ELP4: variants seen among roughly 807,000 people sequenced by gnomAD.
ELP4 encodes elongator acetyltransferase complex subunit 4.
ELP4 carries 51 observed loss-of-function variants against 48.9 expected under a neutral mutation model. The ratio of observed to expected loss-of-function variants is 1.04; its 90% CI spans 0.83 to 1.32. ELP4 has a LOEUF of 1.32. Ranked by LOEUF, ELP4 falls within the 40% of genes most tolerant of loss-of-function variation. ELP4 has a pLI of 0.00. For synonymous variants in ELP4, 210 were observed against 189.2 expected, an observed-to-expected ratio of 1.11 and a Z score of -0.90; for missense variants, 519 against 514.6, an observed-to-expected ratio of 1.01 and a Z score of -0.08.
chr11:31,578,132 G>A (rs965934911), intron 3 of ELP4, among the ~76,000 whole-genome samples: 1 of 152,116 alleles, frequency 6.6e-6, no homozygotes, highest in South Asian at 2.1e-4. Context: ...AAAATCACAA[G>A]CATTCCTATA....
intron 1 of ELP4, among the ~76,000 whole-genome samples, chr11:31,514,279 A>G (rs1956066281): frequency 1.3e-5 from 2 of 152,090 alleles, no homozygotes; most frequent in Admixed American, 1.3e-4. Context: ...GGCAACATAG[A>G]GAGACCCTGG....
rs371296259 is a variant in ELP4 at position 31,509,831 on chromosome 11, C to G, written c.47C>G (p.Ser16Cys). 1 of 1,614,152 alleles carries G rather than the reference C, an allele frequency of 6.2e-7. No individual in the cohort carries two copies. The highest frequency in any genetic ancestry group is 8.5e-7 in the Non-Finnish European group (1 of 1,180,046). The change falls in exon 1 of 10, where the codon TCT becomes TGT. Residue 16 changes from serine to cysteine, a missense_variant. Ser to Cys is a moderately radical substitution (Grantham distance 112). Transcript: ENST00000640961. ...GGTAGTGTTGCCGCGAGTACTGGGT[C>G]TGCAGTGGCGACAGCCAGCAAGAGC... ...TCGSVAASTG[S>C]AVATASKSNV...
Position 31,789,651 on chromosome 11 carries a change from TATAAC to T in ELP4, c.*6131_*6135del, listed in dbSNP as rs1949121780. On this transcript the variant is annotated 3_prime_UTR_variant, in exon 10 of 10. Coordinates refer to ENST00000640961, the MANE Select transcript of ELP4 (RefSeq NM_019040.5). Reference sequence around the variant, plus strand: ...CAGTCTACATTGTTCTTTTTTTCATTATAACATACAAATGCCCATTTACAAATAAT... The same window carrying T: ...CAGTCTACATTGTTCTTTTTTTCATTATACAAATGCCCATTTACAAATAAT... 4 of 699,952 alleles carry T rather than the reference TATAAC, an allele frequency of 5.7e-6. No individual in the cohort carries two copies. Among genetic ancestry groups the T allele is most frequent in the Non-Finnish European group, 1.0e-5 (4 of 383,880 alleles). The allele number at this position is 699,952 out of a possible 1,614,324, so 43.4% of individuals were successfully genotyped here. A position where few individuals can be genotyped will look rare whatever the true frequency, so the allele number is the denominator to read the frequency against.
rs990195967 is a variant in ELP4 at position 31,788,927 on chromosome 11, C to G, written c.*5403C>G. On this transcript the variant is annotated 3_prime_UTR_variant, in exon 10 of 10. Transcript: ENST00000640961. ...CCACACTATAAGGTTAAAAAGAAAA[C>G]TGTATAATAAAGGAAATACAAAGGC... 3.0e-5 allele frequency: 6 copies of G among 200,580 alleles called. No individual in the cohort carries two copies. Among genetic ancestry groups the G allele is most frequent in the Non-Finnish European group, 6.2e-5 (6 of 97,170 alleles). 12.4% of individuals were successfully genotyped at this position (200,580 alleles called of 1,614,324 possible). A position where few individuals can be genotyped will look rare whatever the true frequency, so the allele number is the denominator to read the frequency against.
chr11:31,618,502 C>T (rs767111856), intron 5 of ELP4, among the ~76,000 whole-genome samples: 1 of 152,064 alleles, frequency 6.6e-6, no homozygotes, highest in African/African-American at 2.4e-5. Flanking sequence ...TGGCACCAAT[C>T]CTGCCCATGA....
intron 5 of ELP4, among the ~76,000 whole-genome samples, chr11:31,626,706 G>A (rs1251603662): frequency 6.6e-6 from 1 of 151,790 alleles, no homozygotes; most frequent in Non-Finnish European, 1.5e-5. Flanking sequence ...CAGGTGATCA[G>A]GACATGGATT....
At position 31,733,200 on chromosome 11, in the gene ELP4, G is replaced by T. The variant is rs1366203000; in HGVS notation, c.1144-50193G>T. 9.9e-5 allele frequency among the ~76,000 whole-genome samples: 15 copies of T among 152,128 alleles called. 1 individual carries two copies. Among genetic ancestry groups the T allele is most frequent in the Non-Finnish European group, 2.9e-5 (2 of 68,022 alleles). ...AACAAATTTAAGAAGATTAAAATGGGCATGGTGGCCCACACCTGTAATCTC... is the reference window on the plus strand; with the variant it reads ...AACAAATTTAAGAAGATTAAAATGGTCATGGTGGCCCACACCTGTAATCTC... On this transcript the variant is annotated intron_variant, in intron 9 of 9. Coordinates refer to ENST00000640961, the MANE Select transcript of ELP4 (RefSeq NM_019040.5).
At chr11:31,531,079 T>C (rs887376327) in intron 2 of ELP4, among the ~76,000 whole-genome samples, 1 of 152,218 alleles carries the variant, frequency 6.6e-6, no homozygotes, top group Non-Finnish European at 1.5e-5. Flanking sequence ...ACAAAATTGG[T>C]AATTTTCAGC....
intron 1 of ELP4, among the ~76,000 whole-genome samples, chr11:31,512,885 CA>C (rs1195604984): frequency 6.9e-6 from 1 of 145,886 alleles, no homozygotes; most frequent in Non-Finnish European, 1.5e-5. Context: ...AAGAATTAAC[CA>C]CAACTTCATC....
At chr11:31,621,564 G>T (rs1217364387) in intron 5 of ELP4, among the ~76,000 whole-genome samples, 1 of 151,824 alleles carries the variant, frequency 6.6e-6, no homozygotes, top group African/African-American at 2.4e-5. Flanking sequence ...GTTGACACAG[G>T]TAGAACTAGA....
intron 9 of ELP4, among the ~76,000 whole-genome samples, chr11:31,741,836 C>T (rs879031398): frequency 3.3e-5 from 5 of 152,176 alleles, no homozygotes; most frequent in Admixed American, 1.3e-4. Flanking sequence ...AAAATCACAG[C>T]GCCTCTCCTT....
At chr11:31,510,227 T>C in intron 1 of ELP4, 1 of 577,892 alleles carries the variant, frequency 1.7e-6, no homozygotes. Context: ...TCTATTTCAT[T>C]CCCTGCCCTC....
chr11:31,549,365 A>C (rs1047245649), intron 3 of ELP4, among the ~76,000 whole-genome samples: 4 of 152,242 alleles, frequency 2.6e-5, no homozygotes, highest in African/African-American at 9.6e-5. Flanking sequence ...ACATTTATGC[A>C]CCCAAAAAAC....
intron 9 of ELP4, among the ~76,000 whole-genome samples, chr11:31,722,713 C>T (rs1946994357): frequency 1.1e-5 from 1 of 92,650 alleles, no homozygotes; most frequent in South Asian, 3.1e-4. Flanking sequence ...CTCTTTCTCT[C>T]TCTCTCTCTC....
intron 7 of ELP4, among the ~76,000 whole-genome samples, chr11:31,641,721 C>G (rs1340643527): frequency 1.3e-5 from 2 of 151,868 alleles, no homozygotes; most frequent in South Asian, 2.1e-4. Context: ...CTGCCTCAGC[C>G]TTTTTCCCAG....
chr11:31,637,053 A>G (rs1208217883), intron 7 of ELP4, among the ~76,000 whole-genome samples: 1 of 151,894 alleles, frequency 6.6e-6, no homozygotes, highest in Non-Finnish European at 1.5e-5. Context: ...TTACATGCTG[A>G]ACTGTGGAGT....
chr11:31,545,029 T>C (rs1415589562), intron 3 of ELP4, among the ~76,000 whole-genome samples: 1 of 151,534 alleles, frequency 6.6e-6, no homozygotes, highest in East Asian at 2.0e-4. Context: ...AGACCAAAAG[T>C]AGATGAAACC....
At chr11:31,740,480 G>T (rs1947419725) in intron 9 of ELP4, among the ~76,000 whole-genome samples, 1 of 152,242 alleles carries the variant, frequency 6.6e-6, no homozygotes, top group Admixed American at 6.5e-5. Context: ...CAGCAAAACA[G>T]TTTGATGTGT....
At chr11:31,582,323 A>T (rs1055347038) in intron 3 of ELP4, among the ~76,000 whole-genome samples, 9 of 152,214 alleles carry the variant, frequency 5.9e-5, no homozygotes, top group Admixed American at 3.3e-4. Flanking sequence ...ATATTTTTTT[A>T]AATTAGCATT....
Sources: gnomAD v4.1 joint callset for allele counts (sites outside exome capture counted in the v4.1 genomes callset) on GRCh38, gnomAD v4.1.1 for gene constraint, MANE v1.5 for transcripts, NCBI Gene and HGNC (gene_info 2026-07-23, HGNC 2026-07-21) for gene names.